Variants in ATXN8OS observed in about 807,000 individuals in gnomAD.
The protein encoded by ATXN8OS is ATXN8 opposite strand (non-protein coding).
chr13:70,133,128 G>T (rs901919016), intron 3 of ATXN8OS, among the ~76,000 whole-genome samples: 1 of 152,322 alleles, frequency 6.6e-6, no homozygotes, highest in African/African-American at 2.4e-5. Flanking sequence ...GAAGGTGCCT[G>T]GGCATGGAGG....
intron 3 of ATXN8OS, among the ~76,000 whole-genome samples, chr13:70,135,555 T>C (rs527482791): frequency 6.6e-6 from 1 of 152,318 alleles, no homozygotes; most frequent in African/African-American, 2.4e-5. Flanking sequence ...CTTCCTTGAG[T>C]ATGGACTCAT....
At chr13:70,115,273 G>A (rs982102223) in exon 2 of ATXN8OS, 5 of 398,250 alleles carry the variant, frequency 1.3e-5, no homozygotes, top group Non-Finnish European at 2.2e-5. Context: ...CATGGCAGAA[G>A]AGCAGAGGAG....
intron 3 of ATXN8OS, among the ~76,000 whole-genome samples, chr13:70,138,293 C>A (rs886782079): frequency 7.4e-5 from 11 of 148,902 alleles, no homozygotes; most frequent in Non-Finnish European, 1.5e-4. Context: ...CTGGATAGCT[C>A]TGATCCTGAA....
At chr13:70,139,134 G>C in intron 3 of ATXN8OS, 1 of 407,270 alleles carries the variant, frequency 2.5e-6, no homozygotes, top group Admixed American at 4.2e-5. Context: ...CTAGTTCTTG[G>C]CTCCAGACTA....
chr13:70,126,195 C>A (rs143954040), intron 2 of ATXN8OS, among the ~76,000 whole-genome samples: 2 of 152,158 alleles, frequency 1.3e-5, no homozygotes, highest in African/African-American at 4.8e-5. Flanking sequence ...TTTACTTTTT[C>A]AATATTTCCA....
intron 3 of ATXN8OS, among the ~76,000 whole-genome samples, chr13:70,144,068 T>C (rs1371245585): frequency 6.6e-6 from 1 of 152,160 alleles, no homozygotes; most frequent in Non-Finnish European, 1.5e-5. Flanking sequence ...TTGGGACTAC[T>C]GTGGTGAAGC....
intron 3 of ATXN8OS, among the ~76,000 whole-genome samples, chr13:70,138,654 A>T (rs754737246): frequency 3.2e-4 from 48 of 152,250 alleles, no homozygotes; most frequent in Non-Finnish European, 6.5e-4. Flanking sequence ...ATTAATCACT[A>T]ATATAGTATG....
intron 3 of ATXN8OS, among the ~76,000 whole-genome samples, chr13:70,136,312 G>A (rs1054388451): frequency 4.6e-5 from 7 of 152,206 alleles, no homozygotes; most frequent in African/African-American, 1.7e-4. Flanking sequence ...GACATTAACT[G>A]AGGTCTCCTA....
chr13:70,160,468 G>C (rs543484352), intron 4 of ATXN8OS, among the ~76,000 whole-genome samples: 7 of 151,854 alleles, frequency 4.6e-5, no homozygotes, highest in Admixed American at 4.6e-4. Context: ...AGTTAGTTCG[G>C]CATGAAGTTA....
intron 4 of ATXN8OS, among the ~76,000 whole-genome samples, chr13:70,168,019 C>T (rs1889098951): frequency 6.6e-6 from 1 of 152,108 alleles, no homozygotes; most frequent in South Asian, 2.1e-4. Context: ...AGCCACCGCG[C>T]CCGGCCAACA....
At chr13:70,147,414 C>T (rs1404993124) in exon 4 of ATXN8OS, among the ~76,000 whole-genome samples, 2 of 152,048 alleles carry the variant, frequency 1.3e-5, no homozygotes, top group African/African-American at 2.4e-5. Flanking sequence ...AATTTGCCTC[C>T]GTTTAATGGC....
At chr13:70,117,331 A>G (rs1211126426) in intron 2 of ATXN8OS, among the ~76,000 whole-genome samples, 1 of 152,098 alleles carries the variant, frequency 6.6e-6, no homozygotes, top group South Asian at 2.1e-4. Flanking sequence ...ATATCAAAAC[A>G]TCATGTTGTA....
At chr13:70,110,364 A>T (rs557490175) in intron 1 of ATXN8OS, among the ~76,000 whole-genome samples, 1 of 152,302 alleles carries the variant, frequency 6.6e-6, no homozygotes, top group East Asian at 1.9e-4. Flanking sequence ...CAACTTTATT[A>T]TCAAATGAAA....
intron 4 of ATXN8OS, among the ~76,000 whole-genome samples, chr13:70,166,453 G>T (rs913682899): frequency 8.6e-5 from 13 of 152,020 alleles, no homozygotes; most frequent in Admixed American, 5.2e-4. Context: ...GGGAAAACTG[G>T]CTAGCCATAT....
chr13:70,168,403 T>C (rs1308733734), intron 4 of ATXN8OS, among the ~76,000 whole-genome samples: 1 of 152,076 alleles, frequency 6.6e-6, no homozygotes, highest in Non-Finnish European at 1.5e-5. Context: ...TTTTGAAATA[T>C]ACAATATGTT....
intron 4 of ATXN8OS, among the ~76,000 whole-genome samples, chr13:70,153,059 CTGTTA>C (rs1888892553): frequency 8.3e-6 from 1 of 120,754 alleles, no homozygotes; most frequent in African/African-American, 3.5e-5. Flanking sequence ...TGTGTGTAGA[CTGTTA>C]TAAGGCATAC....
intron 3 of ATXN8OS, among the ~76,000 whole-genome samples, chr13:70,146,259 A>G (rs1888784791): frequency 6.8e-6 from 1 of 146,780 alleles, no homozygotes; most frequent in African/African-American, 2.5e-5. Context: ...AAAAGTCAGG[A>G]AACAACAGGT....
chr13:70,158,619 G>T (rs1888965032), intron 4 of ATXN8OS, among the ~76,000 whole-genome samples: 1 of 152,148 alleles, frequency 6.6e-6, no homozygotes, highest in Admixed American at 6.5e-5. Flanking sequence ...AATATTTTGG[G>T]TATTGCATTC....
At chr13:70,159,222 G>A (rs182900019) in intron 4 of ATXN8OS, among the ~76,000 whole-genome samples, 2 of 150,608 alleles carry the variant, frequency 1.3e-5, no homozygotes, top group African/African-American at 2.4e-5. Flanking sequence ...ACATATAGAA[G>A]AATTAAATTA....
Sources: gnomAD v4.1 joint callset for allele counts (sites outside exome capture counted in the v4.1 genomes callset) on GRCh38, gnomAD v4.1.1 for gene constraint, MANE v1.5 for transcripts, NCBI Gene and HGNC (gene_info 2026-07-23, HGNC 2026-07-21) for gene names.